Variants in PCDHAC1 observed in about 807,000 individuals in gnomAD.
PCDHAC1 encodes the protein protocadherin alpha subfamily C, 1.
PCDHAC1 carries 42 observed loss-of-function variants against 60.0 expected under a neutral mutation model. The ratio of observed to expected loss-of-function variants is 0.70; its 90% CI spans 0.55 to 0.90. The LOEUF (loss-of-function observed/expected upper bound fraction) is 0.90, where lower values mean the gene tolerates loss of function less well. PCDHAC1 is among the 40% of genes least tolerant of loss of function. The pLI, the probability that PCDHAC1 is intolerant of heterozygous loss-of-function variation, is 0.00. For synonymous variants in PCDHAC1, 468 were observed against 499.3 expected (o/e 0.94, Z 0.84); for missense variants, 1,160 against 1,222.3 (o/e 0.95, Z 0.76).
chr5:140,993,372 A>T (rs2097552472), intron 3 of PCDHAC1, among the ~76,000 whole-genome samples: 1 of 151,976 alleles, frequency 6.6e-6, no homozygotes, highest in South Asian at 2.1e-4. Context: ...ACTACCTCCC[A>T]GCCGGGTCCC....
intron 3 of PCDHAC1, among the ~76,000 whole-genome samples, chr5:141,000,094 C>G (rs782020096): frequency 1.3e-5 from 2 of 152,128 alleles, no homozygotes; most frequent in Non-Finnish European, 2.9e-5. Flanking sequence ...GTGAATGGAG[C>G]TCAACTCCGT....
intron 1 of PCDHAC1, chr5:140,930,281 A>G (rs1554207692): frequency 6.6e-6 from 1 of 152,242 alleles, no homozygotes; most frequent in Non-Finnish European, 1.5e-5. Flanking sequence ...TAGGGGACAA[A>G]TACACTTAAC....
intron 3 of PCDHAC1, among the ~76,000 whole-genome samples, chr5:141,005,407 T>C (rs2098211600): frequency 1.3e-5 from 2 of 151,168 alleles, no homozygotes; most frequent in Admixed American, 1.3e-4. Context: ...ACTTGAAGAG[T>C]GAGGAGTCAT....
chr5:141,002,336 C>A (rs1236741058), intron 3 of PCDHAC1, among the ~76,000 whole-genome samples: 3 of 152,084 alleles, frequency 2.0e-5, no homozygotes, highest in Non-Finnish European at 2.9e-5. Flanking sequence ...TGCATCCGCA[C>A]CCCTTCCCCC....
chr5:140,969,125 C>T (rs2096298194), intron 1 of PCDHAC1: 3 of 1,614,152 alleles, frequency 1.9e-6, no homozygotes, highest in East Asian at 2.2e-5. Flanking sequence ...GAATGGCTCC[C>T]TCACCAAGAC....
rs781883331 is a variant in PCDHAC1 at position 140,927,419 on chromosome 5, G to T, written c.527G>T (p.Arg176Leu). The T allele has an allele frequency of 1.9e-6, 3 of 1,614,140 alleles. No homozygotes were observed. Among genetic ancestry groups the T allele is most frequent in the South Asian group, 2.2e-5 (2 of 91,084 alleles). The change falls in exon 1 of 4, where the codon CGG becomes CTG. Residue 176 changes from arginine to leucine, a missense_variant. By Grantham distance (102) the Arg-to-Leu change is moderately radical. Coordinates refer to ENST00000253807, the MANE Select transcript of PCDHAC1 (RefSeq NM_018898.5). Reference protein sequence around the residue: ...SQHFRLDMGSRVDGSEYPELV... With the variant: ...SQHFRLDMGSLVDGSEYPELV... ...CACTTTCGCCTGGACATGGGATCGC[G>T]GGTTGACGGCAGCGAATACCCGGAG...
intron 2 of PCDHAC1, 146 bp downstream of exon 2, chr5:140,979,153 G>A (rs2096837239): frequency 2.8e-6 from 4 of 1,434,028 alleles, no homozygotes; most frequent in Non-Finnish European, 2.7e-6. Context: ...TTGTCCCCAT[G>A]TTTATTCCTT....
rs139860906 is a variant in PCDHAC1, at chr5:140,989,355, C to T, written c.2581+6792C>T. On this transcript the variant is annotated intron_variant, in intron 3 of 3. Transcript: ENST00000253807. Reference sequence around the variant, plus strand: ...CTGACTCAGCTCAAAGGTGATAGGTCACCTGTGTGACTGAGAGCTTTGTGG... The same window carrying T: ...CTGACTCAGCTCAAAGGTGATAGGTTACCTGTGTGACTGAGAGCTTTGTGG... Among the ~76,000 whole-genome samples the T allele has an allele frequency of 1.6e-4, 25 of 152,258 alleles. No individual in the cohort carries two copies. In the East Asian group the frequency reaches 4.4e-3, roughly 27 times the overall value.
chr5:141,011,894 TATC>T lies in PCDHAC1; in HGVS notation c.*1958_*1960del, dbSNP rs1554263691. 6.5e-6 allele frequency: 1 copy of T among 153,306 alleles called. No individual in the cohort carries two copies. The highest frequency in any genetic ancestry group is 2.4e-5 in the African/African-American group (1 of 41,080). 9.5% of individuals were successfully genotyped at this position (153,306 alleles called of 1,614,324 possible). On this transcript the variant is annotated 3_prime_UTR_variant, in exon 4 of 4. Transcript: ENST00000253807. Reference sequence around the variant, plus strand: ...AATTTAGAAGTTTGATTAATTATATTATCTATTTAGGCATTAATATAAAAGAGG... The same window carrying T: ...AATTTAGAAGTTTGATTAATTATATTTATTTAGGCATTAATATAAAAGAGG...
In PCDHAC1 at chr5:140,926,694, G is replaced by T; in HGVS notation, c.-199G>T. On this transcript the variant is annotated 5_prime_UTR_variant, in exon 1 of 4. Transcript: ENST00000253807. ...GCCCAGCCTCCAGCCTAGCAAGCCCGGCTCCCAGCTGGCCAGCCCCGGCAA... is the reference window on the plus strand; with the variant it reads ...GCCCAGCCTCCAGCCTAGCAAGCCCTGCTCCCAGCTGGCCAGCCCCGGCAA... The T allele has an allele frequency of 4.0e-6, 3 of 746,722 alleles. No individual in the cohort carries two copies. The highest frequency in any genetic ancestry group is 5.8e-6 in the Non-Finnish European group (3 of 516,128). The allele number at this position is 746,722 out of a possible 1,614,324, so 46.3% of individuals were successfully genotyped here. A position where few individuals can be genotyped will look rare whatever the true frequency, so the allele number is the denominator to read the frequency against.
chr5:140,978,196 T>C (rs1043778941), intron 1 of PCDHAC1, among the ~76,000 whole-genome samples: 1 of 152,190 alleles, frequency 6.6e-6, no homozygotes. Flanking sequence ...ATCTTTTCAA[T>C]ACACAACTAA....
At position 141,011,517 on chromosome 5, in the gene PCDHAC1, T is replaced by C. The variant is rs1397450262; in HGVS notation, c.*1580T>C. 2.6e-5 allele frequency: 4 copies of C among 153,768 alleles called. No individual in the cohort carries two copies. The highest frequency in any genetic ancestry group is 5.9e-5 in the Non-Finnish European group (4 of 68,028). The allele number at this position is 153,768 out of a possible 1,614,324, so 9.5% of individuals were successfully genotyped here. On this transcript the variant is annotated 3_prime_UTR_variant, in exon 4 of 4. Transcript: ENST00000253807. Reference sequence around the variant, plus strand: ...ACCTGTGAAAAAGTGGAGTAGTGTTTTTTTAACCATTGTTAATCAGCTTTT... The same window carrying C: ...ACCTGTGAAAAAGTGGAGTAGTGTTCTTTTAACCATTGTTAATCAGCTTTT...
chr5:140,961,336 G>C (rs2095605046), intron 1 of PCDHAC1, among the ~76,000 whole-genome samples: 1 of 152,178 alleles, frequency 6.6e-6, no homozygotes, highest in African/African-American at 2.4e-5. Context: ...GAGAGACCAA[G>C]AGTGGATCCC....
Position 140,926,771 on chromosome 5 carries a change from A to G in PCDHAC1, c.-122A>G. On this transcript the variant is annotated 5_prime_UTR_variant, in exon 1 of 4. Transcript: ENST00000253807. ...GGCGGTCGCTGAGTATCCAGCCCGC[A>G]GCAGTGACGGCCGGCAGGAGCGTGC... is the stretch of plus-strand genomic sequence containing the variant. 2.2e-6 allele frequency: 3 copies of G among 1,372,492 alleles called. No individual in the cohort carries two copies. Among genetic ancestry groups the G allele is most frequent in the Admixed American group, 3.2e-5 (1 of 31,698 alleles). 85.0% of individuals were successfully genotyped at this position (1,372,492 alleles called of 1,614,324 possible).
chr5:140,951,983 A>G (rs1043433314), intron 1 of PCDHAC1, among the ~76,000 whole-genome samples: 1 of 152,214 alleles, frequency 6.6e-6, no homozygotes, highest in African/African-American at 2.4e-5. Context: ...CAAAAGGGAA[A>G]AACCAGCCAA....
chr5:140,934,305 A>T, intron 1 of PCDHAC1, among the ~76,000 whole-genome samples: 1 of 152,150 alleles, frequency 6.6e-6, no homozygotes, highest in African/African-American at 2.4e-5. Flanking sequence ...TATTTTTCTT[A>T]CTGCAAATGT....
Position 141,010,090 on chromosome 5 carries a change from C to A in PCDHAC1, c.*153C>A. On this transcript the variant is annotated 3_prime_UTR_variant, in exon 4 of 4. Transcript: ENST00000253807. ...AAGTTCCCTGTGTCTGTCTAGAACG[C>A]ATTTAACAGGTTTTGTCGTAAAAGC... 1 of 1,612,636 alleles carries A rather than the reference C, an allele frequency of 6.2e-7. No homozygotes were observed. Among genetic ancestry groups the A allele is most frequent in the Non-Finnish European group, 8.5e-7 (1 of 1,179,276 alleles).
rs1563652468 is a variant in PCDHAC1, at chr5:141,000,419, A to ATT, written c.2582-9207_2582-9206insTT. ...TCTATATATATATATATATATATAT[A>ATT]TATTTTTTTTTTTTTTTTTTTTTTT... On this transcript the variant is annotated intron_variant, in intron 3 of 3. Transcript: ENST00000253807. 2.1e-3 allele frequency among the ~76,000 whole-genome samples: 126 copies of ATT among 60,978 alleles called. 1 individual carries two copies. The highest frequency in any genetic ancestry group is 3.3e-3 in the African/African-American group (43 of 13,160). The allele number at this position is 60,978 out of a possible 152,430, so 40.0% of individuals were successfully genotyped here. A position where few individuals can be genotyped will look rare whatever the true frequency, so the allele number is the denominator to read the frequency against.
intron 1 of PCDHAC1, chr5:140,967,037 G>C (rs1429896772): frequency 2.5e-6 from 4 of 1,611,378 alleles, no homozygotes; most frequent in South Asian, 1.1e-5. Flanking sequence ...GCGCTACCTG[G>C]AGCTGGACCT....
Sources: gnomAD v4.1 joint callset for allele counts (sites outside exome capture counted in the v4.1 genomes callset) on GRCh38, gnomAD v4.1.1 for gene constraint, MANE v1.5 for transcripts, NCBI Gene and HGNC (gene_info 2026-07-23, HGNC 2026-07-21) for gene names.